FAM13C: variants seen among roughly 807,000 people sequenced by gnomAD.
FAM13C encodes the protein protein FAM13C.
A neutral mutation model predicts 73.2 loss-of-function variants in FAM13C; 37 were observed. The observed-to-expected ratio is 0.51, with a 90% CI of 0.39 to 0.67. FAM13C has a LOEUF of 0.67. Among genes scored for constraint, FAM13C ranks in the 30% least tolerant of loss-of-function variants. FAM13C has a pLI of 0.00. For missense variants in FAM13C, 589 were observed against 715.6 expected (o/e 0.82, Z 2.02); for synonymous variants, 246 against 260.9 (o/e 0.94, Z 0.55).
intron 8 of FAM13C, among the ~76,000 whole-genome samples, chr10:59,264,551 A>G (rs1441500148): frequency 1.3e-5 from 2 of 152,172 alleles, no homozygotes; most frequent in African/African-American, 4.8e-5. Flanking sequence ...TTTCTGTAGC[A>G]CTGCAGATGA....
intron 10 of FAM13C, among the ~76,000 whole-genome samples, chr10:59,261,477 T>G (rs890203033): frequency 2.6e-5 from 4 of 152,194 alleles, no homozygotes; most frequent in Admixed American, 1.3e-4. Context: ...TCAAGAAGAC[T>G]TCATTTGAAA....
intron 6 of FAM13C, among the ~76,000 whole-genome samples, chr10:59,271,546 C>G (rs1254750702): frequency 6.6e-6 from 1 of 152,136 alleles, no homozygotes; most frequent in Non-Finnish European, 1.5e-5. Flanking sequence ...GGCAGTGCCT[C>G]CAGCCCAAGA....
intron 3 of FAM13C, among the ~76,000 whole-genome samples, chr10:59,349,721 C>A (rs1854777823): frequency 6.6e-6 from 1 of 152,108 alleles, no homozygotes; most frequent in South Asian, 2.1e-4. Flanking sequence ...CATGATCACA[C>A]CACTGTACTC....
At chr10:59,292,880 C>T (rs886931794) in intron 5 of FAM13C, among the ~76,000 whole-genome samples, 1 of 151,894 alleles carries the variant, frequency 6.6e-6, no homozygotes. Flanking sequence ...TTTGAAAATC[C>T]GTAGTAAATC....
intron 5 of FAM13C, among the ~76,000 whole-genome samples, chr10:59,286,678 G>A (rs1161835899): frequency 6.6e-6 from 1 of 151,328 alleles, no homozygotes; most frequent in East Asian, 1.9e-4. Context: ...GGAGATGGAT[G>A]GTAGTGATGG....
At chr10:59,285,176 C>G (rs1845409059) in intron 5 of FAM13C, among the ~76,000 whole-genome samples, 1 of 152,218 alleles carries the variant, frequency 6.6e-6, no homozygotes, top group Non-Finnish European at 1.5e-5. Context: ...GCGCAAACCT[C>G]CTAAGAGCTC....
chr10:59,259,665 T>G (rs1842292036), intron 10 of FAM13C, among the ~76,000 whole-genome samples: 1 of 152,214 alleles, frequency 6.6e-6, no homozygotes, highest in South Asian at 2.1e-4. Flanking sequence ...AAGAGCTACA[T>G]TATAGGTATA....
At chr10:59,251,431 A>G in intron 13 of FAM13C, 144 bp downstream of exon 13, 1 of 734,486 alleles carries the variant, frequency 1.4e-6, no homozygotes, top group Non-Finnish European at 2.4e-6. Context: ...AGAATGTTGC[A>G]TTGGACAAAT....
At chr10:59,350,869 C>T (rs1332538309) in intron 3 of FAM13C, among the ~76,000 whole-genome samples, 2 of 152,242 alleles carry the variant, frequency 1.3e-5, no homozygotes, top group East Asian at 3.9e-4. Context: ...CACTTAAAGC[C>T]TCCCACATTA....
intron 3 of FAM13C, 41 bp from the exon 4 acceptor site, chr10:59,324,147 C>A: frequency 6.7e-7 from 1 of 1,483,010 alleles, no homozygotes. Context: ...CTGTCAACAG[C>A]AATCAGTTCC....
chr10:59,352,297 C>T lies in FAM13C; in HGVS notation c.297G>A (p.Glu99=), dbSNP rs751619344. Residue 99 remains glutamate (E), a synonymous_variant, in exon 3 of 14, where the codon GAG becomes GAA. Transcript: ENST00000618804. ...GACTTTCTCCGTGGCTCCTCCCGCT[C>T]TCCGCTTTGAAGATGGACTTGGGCT... ...SRKPKSIFKA[E]SGRSHGESQE... is the part of the protein sequence containing the mutation. 6.2e-7 allele frequency: 1 copy of T among 1,614,110 alleles called. No individual in the cohort carries two copies. The highest frequency in any genetic ancestry group is 2.2e-5 in the East Asian group (1 of 44,878).
intron 6 of FAM13C, among the ~76,000 whole-genome samples, chr10:59,272,658 G>T (rs1464401723): frequency 6.6e-6 from 1 of 152,270 alleles, no homozygotes; most frequent in South Asian, 2.1e-4. Context: ...TCTGGGAGCC[G>T]GGAGTTTGGT....
chr10:59,275,868 C>A (rs568109436), intron 6 of FAM13C, among the ~76,000 whole-genome samples: 10 of 152,260 alleles, frequency 6.6e-5, no homozygotes, highest in Admixed American at 2.0e-4. Flanking sequence ...AACTACCTGG[C>A]AGTTTGGGCT....
At chr10:59,321,687 A>T (rs1180296516) in intron 4 of FAM13C, among the ~76,000 whole-genome samples, 3 of 152,014 alleles carry the variant, frequency 2.0e-5, no homozygotes, top group Non-Finnish European at 4.4e-5. Context: ...GGACTCTGAG[A>T]GCTGTAGGTA....
intron 11 of FAM13C, among the ~76,000 whole-genome samples, chr10:59,253,332 C>T (rs1750189936): frequency 6.6e-6 from 1 of 152,200 alleles, no homozygotes; most frequent in Admixed American, 6.5e-5. Context: ...TCACTCAGAC[C>T]TTCTGGGCTC....
intron 5 of FAM13C, among the ~76,000 whole-genome samples, chr10:59,284,412 G>A (rs1198532426): frequency 6.6e-6 from 1 of 151,798 alleles, no homozygotes; most frequent in Non-Finnish European, 1.5e-5. Context: ...GCTCCAGCAG[G>A]GGTGGGCACC....
chr10:59,259,716 T>C (rs934174722), intron 10 of FAM13C, among the ~76,000 whole-genome samples: 61 of 152,190 alleles, frequency 4.0e-4, no homozygotes, highest in Non-Finnish European at 4.4e-5. Context: ...AAATAATAGA[T>C]ACTTCATTAA....
chr10:59,253,618 T>C (rs1288153337), intron 11 of FAM13C: 1 of 152,442 alleles, frequency 6.6e-6, no homozygotes, highest in African/African-American at 2.4e-5. Context: ...AAAGGGAAAA[T>C]TCCAAAGACT....
Position 59,353,681 on chromosome 10 carries a change from T to C in FAM13C, c.120-1207A>G, listed in dbSNP as rs74150873. ...AGGAAGGATGAGTTCCAGGTAGTCTTTGGGAAAAGAGCAAAGCAAATATCA... is the reference window on the plus strand; with the variant it reads ...AGGAAGGATGAGTTCCAGGTAGTCTCTGGGAAAAGAGCAAAGCAAATATCA... On this transcript the variant is annotated intron_variant, in intron 2 of 13. Transcript: ENST00000618804. Among the ~76,000 whole-genome samples the C allele has an allele frequency of 4.0e-3, 605 of 152,244 alleles. 6 individuals carry two copies. Among genetic ancestry groups the C allele is most frequent in the African/African-American group, 0.014 (563 of 41,540 alleles).
Sources: gnomAD v4.1 joint callset for allele counts (sites outside exome capture counted in the v4.1 genomes callset) on GRCh38, gnomAD v4.1.1 for gene constraint, MANE v1.5 for transcripts, NCBI Gene and HGNC (gene_info 2026-07-23, HGNC 2026-07-21) for gene names.